Variants in DLEU7 observed in about 807,000 individuals in gnomAD.
DLEU7 encodes the protein deleted in lymphocytic leukemia 7, also known as leukemia-associated protein 7.
DLEU7 carries 17 observed loss-of-function variants against 16.0 expected under a neutral mutation model. The ratio of observed to expected loss-of-function variants is 1.06; its 90% CI spans 0.73 to 1.59. DLEU7 has a LOEUF of 1.59. DLEU7 is among the 40% of genes most tolerant of loss of function. The probability of loss-of-function intolerance (pLI) is 0.00; values close to 1 mark genes in which losing one functional copy is unlikely to be tolerated. For missense variants in DLEU7, 308 were observed against 314.9 expected (o/e 0.98, Z 0.17); for synonymous variants, 113 against 139.8 (o/e 0.81, Z 1.35).
chr13:50,824,584 G>A (rs74512250), intron 1 of DLEU7, among the ~76,000 whole-genome samples: 2,333 of 152,218 alleles, frequency 0.015, 53 homozygotes, highest in African/African-American at 0.053. Context: ...AGTCTCTCTT[G>A]GGCTGGGTTT....
Position 50,751,112 on chromosome 13 carries a change from C to T in DLEU7, c.460-37872G>A, listed in dbSNP as rs140112878. On this transcript the variant is annotated intron_variant, in intron 1 of 1. Transcript: ENST00000400393. ...TACATTGAGGTATGTCCCTTCTATG[C>T]CAATTTTGCTGAGAGCTTTAATCAC... Among the ~76,000 whole-genome samples, 1,145 of 152,230 alleles carry T rather than the reference C, an allele frequency of 7.5e-3. 42 individuals carry two copies. The highest frequency in any genetic ancestry group is 0.058 in the Admixed American group (880 of 15,284).
intron 1 of DLEU7, among the ~76,000 whole-genome samples, chr13:50,722,236 C>G (rs1455076527): frequency 2.0e-5 from 3 of 152,178 alleles, no homozygotes; most frequent in Non-Finnish European, 4.4e-5. Context: ...GGATGATGTC[C>G]TGGTTTTAAG....
intron 1 of DLEU7, chr13:50,812,838 G>A (rs1876609094): frequency 6.6e-6 from 1 of 151,356 alleles, no homozygotes; most frequent in South Asian, 2.1e-4. Flanking sequence ...AAGTAATGGA[G>A]GAAATTCTTA....
intron 1 of DLEU7, among the ~76,000 whole-genome samples, chr13:50,767,783 T>G (rs1875166084): frequency 6.6e-6 from 1 of 152,050 alleles, no homozygotes; most frequent in African/African-American, 2.4e-5. Context: ...CACAGAAAGC[T>G]CCAGGAGACA....
At chr13:50,786,568 A>G (rs1427148870) in intron 1 of DLEU7, among the ~76,000 whole-genome samples, 1 of 152,186 alleles carries the variant, frequency 6.6e-6, no homozygotes, top group Non-Finnish European at 1.5e-5. Context: ...TTGCTCACTA[A>G]TACATGGTGG....
chr13:50,792,529 CCTAA>C (rs1016010532), intron 1 of DLEU7, among the ~76,000 whole-genome samples: 2 of 152,164 alleles, frequency 1.3e-5, no homozygotes, highest in African/African-American at 4.8e-5. Flanking sequence ...AGACAGCAGT[CCTAA>C]CTGAGTGTCT....
At chr13:50,740,317 G>T (rs1162767488) in intron 1 of DLEU7, among the ~76,000 whole-genome samples, 1 of 152,102 alleles carries the variant, frequency 6.6e-6, no homozygotes, top group Non-Finnish European at 1.5e-5. Flanking sequence ...TTCCTAATAA[G>T]AAAATCAAGT....
intron 1 of DLEU7, among the ~76,000 whole-genome samples, chr13:50,815,312 C>A (rs904635185): frequency 4.6e-5 from 7 of 151,954 alleles, no homozygotes; most frequent in African/African-American, 1.7e-4. Context: ...CTTTGAATAA[C>A]CATTGTCGAC....
chr13:50,797,928 A>G (rs1876147093), intron 1 of DLEU7, among the ~76,000 whole-genome samples: 1 of 152,182 alleles, frequency 6.6e-6, no homozygotes, highest in African/African-American at 2.4e-5. Context: ...GCAAAAGTTG[A>G]TTTAGCCCCT....
At chr13:50,776,112 ATC>A (rs760051914) in intron 1 of DLEU7, among the ~76,000 whole-genome samples, 75 of 152,186 alleles carry the variant, frequency 4.9e-4, no homozygotes, top group Admixed American at 3.9e-3. Flanking sequence ...TGTTTTTATA[ATC>A]TCTCTCTGGG....
chr13:50,762,189 C>CAAAAA lies in DLEU7; in HGVS notation c.460-48954_460-48950dup, dbSNP rs71085045. ...CTGGGTGACAGAGCGAGACTCGTCTCAAAAAAAAAAAAAAAAAAAAAAGAA... is the reference window on the plus strand; with the variant it reads ...CTGGGTGACAGAGCGAGACTCGTCTCAAAAAAAAAAAAAAAAAAAAAAAAAAAGAA... On this transcript the variant is annotated intron_variant, in intron 1 of 1. Coordinates refer to the DLEU7 transcript ENST00000400393. 5.5e-3 allele frequency among the ~76,000 whole-genome samples: 453 copies of CAAAAA among 82,616 alleles called. 2 individuals are homozygous for CAAAAA. The highest frequency in any genetic ancestry group is 7.9e-3 in the Non-Finnish European group (332 of 42,156). The allele number at this position is 82,616 out of a possible 152,430, so 54.2% of individuals were successfully genotyped here.
rs867552715 is a variant in DLEU7 at position 50,774,994 on chromosome 13, C to A, written c.460-61754G>T. The stretch of plus-strand genomic sequence containing the variant: ...AATTTCCTTTTTTTCACCCATTATA[C>A]CCATGCTTTCCTATAAATTCATTAA... On this transcript the variant is annotated intron_variant, in intron 1 of 1. Coordinates refer to the DLEU7 transcript ENST00000400393. 2.0e-4 allele frequency among the ~76,000 whole-genome samples: 31 copies of A among 152,014 alleles called. 1 individual carries two copies. In the Middle Eastern group the frequency reaches 0.01, roughly 50 times the overall value.
At chr13:50,712,637 G>C (rs1411401096) in exon 2 of DLEU7, 1 of 152,742 alleles carries the variant, frequency 6.5e-6, no homozygotes, top group Non-Finnish European at 1.5e-5. Flanking sequence ...TCGCATGCTG[G>C]CTTTGCACTG....
chr13:50,766,647 C>T (rs563450779), intron 1 of DLEU7, among the ~76,000 whole-genome samples: 209 of 152,210 alleles, frequency 1.4e-3, no homozygotes, highest in Admixed American at 3.1e-3. Context: ...TCAGGAGTCC[C>T]TACATTCCCT....
chr13:50,736,839 G>C (rs918905266), intron 1 of DLEU7, among the ~76,000 whole-genome samples: 2 of 151,698 alleles, frequency 1.3e-5, no homozygotes, highest in South Asian at 2.1e-4. Context: ...AGGAAAAATT[G>C]TTACTACAGA....
chr13:50,822,626 C>T (rs1358006196), downstream of DLEU7: 14 of 984,610 alleles, frequency 1.4e-5, no homozygotes, highest in African/African-American at 1.2e-4. Flanking sequence ...AAAAGCTAGA[C>T]TTTTCCACAT....
At chr13:50,785,560 CA>C (rs1279843926) in intron 1 of DLEU7, among the ~76,000 whole-genome samples, 4 of 152,162 alleles carry the variant, frequency 2.6e-5, no homozygotes, top group Non-Finnish European at 5.9e-5. Flanking sequence ...TCACTTAAGG[CA>C]ACTTGGCCAA....
At chr13:50,821,848 G>A (rs905791537), downstream of DLEU7, among the ~76,000 whole-genome samples, 2 of 152,042 alleles carry the variant, frequency 1.3e-5, no homozygotes, top group Non-Finnish European at 1.5e-5. Context: ...TTTCCCTGGG[G>A]GAAGAAAGAC....
chr13:50,777,042 T>C (rs746245110), intron 1 of DLEU7, among the ~76,000 whole-genome samples: 1 of 152,174 alleles, frequency 6.6e-6, no homozygotes, highest in African/African-American at 2.4e-5. Context: ...TGGAACTTAG[T>C]AGTGGCTTCC....
Sources: gnomAD v4.1 joint callset for allele counts (sites outside exome capture counted in the v4.1 genomes callset) on GRCh38, gnomAD v4.1.1 for gene constraint, MANE v1.5 for transcripts, NCBI Gene and HGNC (gene_info 2026-07-23, HGNC 2026-07-21) for gene names.